The following BMP5 variants were observed in gnomAD, a reference collection of about 807,000 sequenced individuals.
BMP5 encodes the protein bone morphogenetic protein 5.
A neutral mutation model predicts 46.6 loss-of-function variants in BMP5; 23 were observed. That is an observed-to-expected ratio of 0.49 (90% CI 0.35 to 0.70). The LOEUF (loss-of-function observed/expected upper bound fraction) is 0.70, where lower values mean the gene tolerates loss of function less well. Ranked by LOEUF, BMP5 falls within the 30% of genes least tolerant of loss-of-function variation. BMP5 has a pLI of 0.00. For synonymous variants in BMP5, 204 were observed against 191.9 expected (o/e 1.06, Z -0.52); for missense variants, 545 against 565.6 (o/e 0.96, Z 0.37).
At chr6:55,857,182 C>T (rs887586997) in intron 1 of BMP5, among the ~76,000 whole-genome samples, 2 of 152,140 alleles carry the variant, frequency 1.3e-5, no homozygotes, top group African/African-American at 4.8e-5. Flanking sequence ...ATCGATCACT[C>T]AACTGCTTCT....
At chr6:55,775,798 T>A (rs1775160158) in intron 3 of BMP5, among the ~76,000 whole-genome samples, 1 of 151,814 alleles carries the variant, frequency 6.6e-6, no homozygotes, top group South Asian at 2.1e-4. Flanking sequence ...ATAAAAACTT[T>A]TGTGTATACT....
At chr6:55,852,040 A>G (rs899220823) in intron 1 of BMP5, among the ~76,000 whole-genome samples, 11 of 152,122 alleles carry the variant, frequency 7.2e-5, no homozygotes, top group African/African-American at 2.7e-4. Flanking sequence ...TATTGTTTTT[A>G]TATGCCAAGC....
In BMP5 at chr6:55,799,597, G is replaced by A. The variant is rs1004461674; in HGVS notation, c.684-5170C>T. ...TTCTGATTAACTTCTGTTCTGGGAAGCCCTCTAATATTTTCAGTTTATCTA... is the reference window on the plus strand; with the variant it reads ...TTCTGATTAACTTCTGTTCTGGGAAACCCTCTAATATTTTCAGTTTATCTA... On this transcript the variant is annotated intron_variant, in intron 2 of 6. Coordinates refer to ENST00000370830, the MANE Select transcript of BMP5 (RefSeq NM_021073.4). Among the ~76,000 whole-genome samples the A allele has an allele frequency of 2.4e-4, 37 of 152,178 alleles. 1 individual carries two copies. The highest frequency in any genetic ancestry group is 4.4e-5 in the Non-Finnish European group (3 of 68,036).
chr6:55,761,729 C>G lies in BMP5; in HGVS notation c.1028-1196G>C, dbSNP rs228136. Among the ~76,000 whole-genome samples the G allele has an allele frequency of 6.6e-3, 1,008 of 152,144 alleles. 10 individuals are homozygous for G. The highest frequency in any genetic ancestry group is 0.023 in the African/African-American group (949 of 41,538). On this transcript the variant is annotated intron_variant, in intron 4 of 6. Coordinates refer to ENST00000370830, the MANE Select transcript of BMP5 (RefSeq NM_021073.4). ...CCTGATACACCTGATTTCTCTCACT[C>G]TGTTCTGATTTTTTTCCATCTCAAT...
chr6:55,769,706 CT>C (rs1205419107), intron 4 of BMP5, among the ~76,000 whole-genome samples: 1 of 151,830 alleles, frequency 6.6e-6, no homozygotes, highest in Non-Finnish European at 1.5e-5. Context: ...TTTATGGAAG[CT>C]GTAGAATTAC....
intron 3 of BMP5, among the ~76,000 whole-genome samples, chr6:55,790,265 G>A (rs1775545081): frequency 6.6e-6 from 1 of 152,112 alleles, no homozygotes; most frequent in Admixed American, 6.6e-5. Context: ...TCAGTGGCAA[G>A]TGAACTACAA....
intron 2 of BMP5, among the ~76,000 whole-genome samples, chr6:55,802,552 G>A (rs1489051966): frequency 6.6e-6 from 1 of 151,850 alleles, no homozygotes; most frequent in African/African-American, 2.4e-5. Context: ...ACTAGATAAG[G>A]AAAAGTGACC....
chr6:55,766,171 G>A (rs558445465), intron 4 of BMP5, among the ~76,000 whole-genome samples: 7 of 152,102 alleles, frequency 4.6e-5, no homozygotes, highest in African/African-American at 1.4e-4. Context: ...ACTCTTAGTT[G>A]CCTCATACTT....
chr6:55,845,000 C>T (rs553848269), intron 1 of BMP5, among the ~76,000 whole-genome samples: 6 of 151,996 alleles, frequency 3.9e-5, no homozygotes, highest in Admixed American at 2.6e-4. Context: ...TCACCATGTA[C>T]GTGACTATCA....
chr6:55,838,147 C>T (rs1776866371), intron 1 of BMP5, among the ~76,000 whole-genome samples: 1 of 152,154 alleles, frequency 6.6e-6, no homozygotes, highest in South Asian at 2.1e-4. Context: ...CTTTGATATA[C>T]TGATTTTCCC....
At chr6:55,772,921 TA>T in intron 4 of BMP5, 1 of 984,932 alleles carries the variant, frequency 1.0e-6, no homozygotes, top group Non-Finnish European at 1.2e-6. Flanking sequence ...TCTGAGCAAA[TA>T]AAAACAAACA....
intron 2 of BMP5, among the ~76,000 whole-genome samples, chr6:55,812,963 AT>A (rs1463981428): frequency 3.9e-5 from 6 of 152,204 alleles, no homozygotes; most frequent in Non-Finnish European, 5.9e-5. Flanking sequence ...TTTCCAAAAA[AT>A]ATTTACTCTT....
chr6:55,859,942 T>C (rs1777490083), intron 1 of BMP5, among the ~76,000 whole-genome samples: 1 of 152,346 alleles, frequency 6.6e-6, no homozygotes, highest in Admixed American at 6.5e-5. Flanking sequence ...CTTTGCATAG[T>C]TCAAATTTAT....
At chr6:55,866,312 AT>A (rs1777638978) in intron 1 of BMP5, among the ~76,000 whole-genome samples, 1 of 152,198 alleles carries the variant, frequency 6.6e-6, no homozygotes, top group Non-Finnish European at 1.5e-5. Context: ...AATAGCTGAC[AT>A]ACCTGCTCCA....
intron 1 of BMP5, among the ~76,000 whole-genome samples, chr6:55,867,778 T>C (rs1777685044): frequency 6.6e-6 from 1 of 152,158 alleles, no homozygotes. Context: ...TCAACATTCA[T>C]CGAGGAAGGT....
chr6:55,861,918 C>T (rs943089524), intron 1 of BMP5, among the ~76,000 whole-genome samples: 6 of 152,198 alleles, frequency 3.9e-5, no homozygotes, highest in African/African-American at 1.4e-4. Context: ...CTTCCTATTA[C>T]AGGAAGTAGG....
At chr6:55,796,885 G>GA (rs1223067750) in intron 2 of BMP5, among the ~76,000 whole-genome samples, 1 of 152,178 alleles carries the variant, frequency 6.6e-6, no homozygotes, top group East Asian at 1.9e-4. Flanking sequence ...CTGGGAAGAT[G>GA]AAGTGGTATG....
chr6:55,794,429 T>C lies in BMP5; in HGVS notation c.684-2A>G. The C allele has an allele frequency of 6.2e-7, 1 of 1,613,552 alleles. No individual in the cohort carries two copies. The highest frequency in any genetic ancestry group is 8.5e-7 in the Non-Finnish European group (1 of 1,179,764). ...TCTAACAAGAACAGATCTGCATCCC[T>C]AAAAAGAAAAGGAACAACAAAAAAA... On this transcript the variant is annotated splice_acceptor_variant, in intron 2 of 6. Coordinates refer to ENST00000370830, the MANE Select transcript of BMP5 (RefSeq NM_021073.4). LOFTEE classifies it high-confidence loss of function.
At chr6:55,850,083 C>T (rs984538475) in intron 1 of BMP5, among the ~76,000 whole-genome samples, 3 of 152,234 alleles carry the variant, frequency 2.0e-5, no homozygotes, top group African/African-American at 7.2e-5. Flanking sequence ...ATCTCTAATA[C>T]ATCACCTTTC....
Sources: allele counts gnomAD v4.1 joint callset (sites outside exome capture counted in the v4.1 genomes callset), GRCh38; gene constraint gnomAD v4.1.1; transcripts MANE v1.5; gene names NCBI Gene and HGNC (gene_info 2026-07-23, HGNC 2026-07-21).